Variants in COG6 observed in about 807,000 individuals in gnomAD.
COG6 encodes conserved oligomeric Golgi complex subunit 6.
In COG6, 74 loss-of-function variants were observed where a neutral mutation model predicts 88.8. That is an observed-to-expected ratio of 0.83 (90% CI 0.69 to 1.01). COG6 has a LOEUF of 1.01. COG6 is among the 50% of genes least tolerant of loss of function. The pLI is 0.00. For missense variants in COG6, 800 were observed against 797.9 expected, an observed-to-expected ratio of 1.00 and a Z score of -0.03; for synonymous variants, 286 against 278.7, an observed-to-expected ratio of 1.03 and a Z score of -0.26.
chr13:39,772,467 C>A (rs1030506329), intron 18 of COG6, among the ~76,000 whole-genome samples: 1 of 152,184 alleles, frequency 6.6e-6, no homozygotes, highest in African/African-American at 2.4e-5. Context: ...CTTCAGCTCT[C>A]CATTGTTTGA....
At chr13:39,671,547 T>C (rs528737084) in intron 4 of COG6, among the ~76,000 whole-genome samples, 9 of 152,060 alleles carry the variant, frequency 5.9e-5, no homozygotes, top group African/African-American at 1.7e-4. Flanking sequence ...AAAATTAATT[T>C]GTTGAAAACT....
At chr13:39,664,175 A>G (rs1875096043) in intron 3 of COG6, 2 of 154,716 alleles carry the variant, frequency 1.3e-5, no homozygotes, top group African/African-American at 4.8e-5. Context: ...TTGACTCTTT[A>G]TTGTGGTATT....
intron 6 of COG6, 104 bp from the exon 7 acceptor site, chr13:39,679,870 TA>T: frequency 1.4e-6 from 1 of 707,800 alleles, no homozygotes; most frequent in Non-Finnish European, 2.5e-6. Context: ...CATAAAATGA[TA>T]AAAAGTTAAT....
Position 39,752,216 on chromosome 13 carries a change from G to A in COG6, c.*1123G>A. 9.4e-7 allele frequency: 1 copy of A among 1,068,344 alleles called. No individual in the cohort carries two copies. Among genetic ancestry groups the A allele is most frequent in the Non-Finnish European group, 1.2e-6 (1 of 832,764 alleles). The allele number at this position is 1,068,344 out of a possible 1,614,324, so 66.2% of individuals were successfully genotyped here. A position where few individuals can be genotyped will look rare whatever the true frequency, so the allele number is the denominator to read the frequency against. On this transcript the variant is annotated 3_prime_UTR_variant, in exon 19 of 19. Transcript: ENST00000455146. ...TCCCTAAATTACAAATGAGAAAATT[G>A]AAGCACAAGGAAAAAAATAACTAGT... is the stretch of plus-strand genomic sequence containing the variant.
intron 11 of COG6, 67 bp from the exon 12 acceptor site, chr13:39,694,567 T>C: frequency 1.1e-6 from 1 of 942,328 alleles, no homozygotes; most frequent in South Asian, 1.3e-5. Flanking sequence ...ATTCATACCA[T>C]ATGTTATTAA....
chr13:39,689,973 A>T (rs929566906), intron 11 of COG6, 149 bp downstream of exon 11: 6 of 500,552 alleles, frequency 1.2e-5, no homozygotes, highest in African/African-American at 9.7e-5. Context: ...GAAACATTTT[A>T]AAATAATAAT....
At chr13:39,743,683 G>A (rs1234366615) in intron 18 of COG6, among the ~76,000 whole-genome samples, 1 of 152,088 alleles carries the variant, frequency 6.6e-6, no homozygotes, top group Non-Finnish European at 1.5e-5. Flanking sequence ...GGTACAAAGA[G>A]GAGCTGGTAC....
intron 10 of COG6, among the ~76,000 whole-genome samples, chr13:39,688,306 A>G (rs560596463): frequency 6.6e-6 from 1 of 152,274 alleles, no homozygotes; most frequent in Admixed American, 6.5e-5. Context: ...CTGCATTGCT[A>G]TAAAGGAACA....
At chr13:39,742,781 C>A (rs145280664) in intron 18 of COG6, among the ~76,000 whole-genome samples, 11,392 of 152,148 alleles carry the variant, frequency 0.075, 562 homozygotes, top group Middle Eastern at 0.14. Flanking sequence ...AACTCTCCAC[C>A]CCAAATCAAC....
intron 18 of COG6, among the ~76,000 whole-genome samples, chr13:39,732,160 T>C (rs1879488506): frequency 6.6e-6 from 1 of 152,196 alleles, no homozygotes; most frequent in Non-Finnish European, 1.5e-5. Context: ...CCGGAAATTA[T>C]GCTTTATCAA....
chr13:39,773,851 C>G (rs1881385871), intron 18 of COG6, among the ~76,000 whole-genome samples: 1 of 146,538 alleles, frequency 6.8e-6, no homozygotes, highest in African/African-American at 2.5e-5. Flanking sequence ...ATGGAAATTA[C>G]AAACCTATTG....
chr13:39,753,789 A>G (rs139249806), downstream of COG6, among the ~76,000 whole-genome samples: 1,151 of 152,260 alleles, frequency 7.6e-3, 3 homozygotes, highest in Non-Finnish European at 9.9e-3. Flanking sequence ...GTCATAAATA[A>G]TGTTGTAATG....
Position 39,694,638 on chromosome 13 carries a change from G to A in COG6, c.1079G>A (p.Arg360Gln), listed in dbSNP as rs1268992012. The A allele has an allele frequency of 1.9e-6, 3 of 1,583,804 alleles. No individual in the cohort carries two copies. Among genetic ancestry groups the A allele is most frequent in the Non-Finnish European group, 1.7e-6 (2 of 1,155,042 alleles). The change falls in exon 12 of 19, where the codon CGA becomes CAA. Residue 360 changes from arginine (R) to glutamine (Q), a missense_variant. Coordinates refer to ENST00000455146, the MANE Select transcript of COG6 (RefSeq NM_020751.3). Reference protein sequence around the residue: ...TEGVCRPLKVRIEQVIVAEPG... With the variant: ...TEGVCRPLKVQIEQVIVAEPG... ...TCCTCTCACATATTTTAATAGGTTC[G>A]AATTGAGCAAGTAATAGTTGCTGAA...
downstream of COG6, among the ~76,000 whole-genome samples, chr13:39,753,644 C>T (rs1880738888): frequency 1.3e-5 from 2 of 152,086 alleles, no homozygotes; most frequent in Admixed American, 6.6e-5. Context: ...TGTTATCTCT[C>T]TTTCTATGAC....
chr13:39,657,170 T>C (rs543489629), intron 1 of COG6, among the ~76,000 whole-genome samples: 2 of 152,164 alleles, frequency 1.3e-5, no homozygotes, highest in Non-Finnish European at 2.9e-5. Context: ...TAGCTGGGAT[T>C]ACAGGCATGT....
intron 2 of COG6, among the ~76,000 whole-genome samples, 164 bp downstream of exon 2, chr13:39,659,671 A>G (rs1461102182): frequency 1.3e-5 from 2 of 152,182 alleles, no homozygotes; most frequent in Non-Finnish European, 2.9e-5. Flanking sequence ...CTTTATTTGT[A>G]TTAATGTGAT....
chr13:39,704,207 G>T (rs371766388), intron 13 of COG6, among the ~76,000 whole-genome samples: 2 of 152,096 alleles, frequency 1.3e-5, no homozygotes, highest in Non-Finnish European at 2.9e-5. Context: ...TAAAATGAAA[G>T]TTGCAACAAA....
At chr13:39,774,841 G>T (rs1337518389) in intron 18 of COG6, among the ~76,000 whole-genome samples, 2 of 151,978 alleles carry the variant, frequency 1.3e-5, no homozygotes, top group East Asian at 1.9e-4. Flanking sequence ...CCAAAGTGCT[G>T]GGATTACAGG....
intron 13 of COG6, among the ~76,000 whole-genome samples, chr13:39,715,562 A>G (rs1878483771): frequency 6.6e-6 from 1 of 152,154 alleles, no homozygotes; most frequent in Middle Eastern, 3.2e-3. Flanking sequence ...GTTCTAAGCT[A>G]AAGATTCCAC....
Sources: allele counts gnomAD v4.1 joint callset (sites outside exome capture counted in the v4.1 genomes callset), GRCh38; gene constraint gnomAD v4.1.1; transcripts MANE v1.5; gene names NCBI Gene and HGNC (gene_info 2026-07-23, HGNC 2026-07-21).